The following CDH13 variants were observed in gnomAD, a reference collection of about 807,000 sequenced individuals.
The protein encoded by CDH13 is cadherin-13.
Under a neutral mutation model 63.8 loss-of-function variants are expected in CDH13, and 24 were observed. That is an observed-to-expected ratio of 0.38 (90% confidence interval 0.27 to 0.53). CDH13 has a LOEUF of 0.53. CDH13 is among the 20% of genes least tolerant of loss of function. The probability of loss-of-function intolerance (pLI) is 0.85; values close to 1 mark genes in which losing one functional copy is unlikely to be tolerated. For missense variants in CDH13, 1,049 were observed against 903.1 expected (o/e 1.16, Z -2.07); for synonymous variants, 503 against 355.3 (o/e 1.42, Z -4.67).
At chr16:83,009,144 C>A (rs1413920588) in intron 2 of CDH13, among the ~76,000 whole-genome samples, 1 of 152,122 alleles carries the variant, frequency 6.6e-6, no homozygotes, top group Non-Finnish European at 1.5e-5. Context: ...AAGACACAGC[C>A]AAACCAGATC....
At chr16:83,236,334 T>G (rs1408548196) in intron 5 of CDH13, among the ~76,000 whole-genome samples, 1 of 151,914 alleles carries the variant, frequency 6.6e-6, no homozygotes, top group Admixed American at 6.6e-5. Flanking sequence ...AAATGTACAG[T>G]GGACGTTTGA....
chr16:82,652,093 G>C (rs1379570544), intron 1 of CDH13, among the ~76,000 whole-genome samples: 1 of 152,196 alleles, frequency 6.6e-6, no homozygotes. Flanking sequence ...AGCTATGAAA[G>C]CAAAGTTATT....
intron 5 of CDH13, among the ~76,000 whole-genome samples, chr16:83,219,387 T>C (rs1409651446): frequency 6.6e-6 from 1 of 152,186 alleles, no homozygotes; most frequent in Non-Finnish European, 1.5e-5. Flanking sequence ...ATTGGCTGCA[T>C]TCAAATCATG....
At chr16:83,041,327 C>T (rs1197410787) in intron 3 of CDH13, among the ~76,000 whole-genome samples, 1 of 151,774 alleles carries the variant, frequency 6.6e-6, no homozygotes, top group East Asian at 1.9e-4. Context: ...ATCATCGTTG[C>T]AAACATGCAA....
intron 5 of CDH13, among the ~76,000 whole-genome samples, chr16:83,270,486 T>C (rs1247866732): frequency 6.6e-6 from 1 of 152,194 alleles, no homozygotes; most frequent in Non-Finnish European, 1.5e-5. Flanking sequence ...ATTTAAAATA[T>C]TTAAATGATG....
intron 5 of CDH13, among the ~76,000 whole-genome samples, chr16:83,314,419 A>G (rs2151888613): frequency 6.6e-6 from 1 of 152,348 alleles, no homozygotes; most frequent in Middle Eastern, 3.4e-3. Flanking sequence ...CTAAACTAAA[A>G]TGGCTAGAAT....
chr16:83,139,971 C>T (rs1268685762), intron 4 of CDH13, among the ~76,000 whole-genome samples: 4 of 152,204 alleles, frequency 2.6e-5, no homozygotes, highest in Non-Finnish European at 5.9e-5. Context: ...CATTACACTC[C>T]AGCCTGGGCA....
At chr16:83,165,540 T>C (rs1031167781) in intron 4 of CDH13, among the ~76,000 whole-genome samples, 2 of 151,876 alleles carry the variant, frequency 1.3e-5, no homozygotes, top group East Asian at 3.9e-4. Flanking sequence ...AGGAAGGTGG[T>C]TGGTTGTGGA....
intron 1 of CDH13, among the ~76,000 whole-genome samples, chr16:82,690,779 C>T (rs769506742): frequency 7.9e-5 from 12 of 152,236 alleles, no homozygotes; most frequent in Non-Finnish European, 1.6e-4. Flanking sequence ...CCTGGCACAA[C>T]CTGCTCACAC....
chr16:82,804,129 G>T (rs1385977036), intron 1 of CDH13, among the ~76,000 whole-genome samples: 1 of 152,102 alleles, frequency 6.6e-6, no homozygotes, highest in Non-Finnish European at 1.5e-5. Flanking sequence ...TCAGGAGGCT[G>T]AGGCAAGAGA....
chr16:83,007,790 C>G (rs985823487), intron 2 of CDH13, among the ~76,000 whole-genome samples: 1 of 150,298 alleles, frequency 6.7e-6, no homozygotes, highest in Admixed American at 6.6e-5. Flanking sequence ...CACCACTGCA[C>G]TCTAGTCTGG....
At chr16:83,717,679 T>A (rs1290380843) in intron 10 of CDH13, 1 of 152,432 alleles carries the variant, frequency 6.6e-6, no homozygotes, top group African/African-American at 2.4e-5. Context: ...GCGACGATAA[T>A]TCCTTCCTCC....
At chr16:83,007,114 G>C (rs183732256) in intron 2 of CDH13, among the ~76,000 whole-genome samples, 1 of 152,036 alleles carries the variant, frequency 6.6e-6, no homozygotes, top group Non-Finnish European at 1.5e-5. Context: ...TAGAGACGGG[G>C]TTTCTCCATG....
At chr16:83,161,997 C>G (rs1052968481) in intron 4 of CDH13, among the ~76,000 whole-genome samples, 1 of 152,160 alleles carries the variant, frequency 6.6e-6, no homozygotes, top group African/African-American at 2.4e-5. Flanking sequence ...TCACTACTTT[C>G]CTGGTTCTAA....
At chr16:82,993,352 T>C (rs1312157618) in intron 2 of CDH13, among the ~76,000 whole-genome samples, 1 of 152,138 alleles carries the variant, frequency 6.6e-6, no homozygotes, top group African/African-American at 2.4e-5. Context: ...CTTACGCTTA[T>C]TAAACTACTG....
intron 2 of CDH13, among the ~76,000 whole-genome samples, chr16:82,922,575 T>A (rs1208053136): frequency 6.6e-6 from 1 of 152,184 alleles, no homozygotes; most frequent in Non-Finnish European, 1.5e-5. Flanking sequence ...TATGCTGCTA[T>A]AACAGGTATG....
At chr16:83,764,278 A>C (rs567583675) in intron 11 of CDH13, among the ~76,000 whole-genome samples, 2 of 152,262 alleles carry the variant, frequency 1.3e-5, no homozygotes, top group African/African-American at 4.8e-5. Context: ...AAGGATGCTA[A>C]ATCCAATTAG....
intron 11 of CDH13, among the ~76,000 whole-genome samples, chr16:83,753,407 A>T (rs1008449893): frequency 2.0e-5 from 3 of 152,154 alleles, no homozygotes; most frequent in Non-Finnish European, 4.4e-5. Context: ...AGTCATGCAC[A>T]GTGGCACATG....
chr16:83,454,929 C>T (rs1315458526), intron 6 of CDH13, among the ~76,000 whole-genome samples: 3 of 152,178 alleles, frequency 2.0e-5, no homozygotes, highest in Non-Finnish European at 2.9e-5. Context: ...AGGCTGGTCT[C>T]GAACTCCTGA....
Sources: allele counts gnomAD v4.1 joint callset (sites outside exome capture counted in the v4.1 genomes callset), GRCh38; gene constraint gnomAD v4.1.1; transcripts MANE v1.5; gene names NCBI Gene and HGNC (gene_info 2026-07-23, HGNC 2026-07-21).